Variants in EIF3M observed in about 807,000 individuals in gnomAD.
EIF3M encodes the protein eukaryotic translation initiation factor 3 subunit M, also known as B5 receptor.
Under a neutral mutation model 49.7 loss-of-function variants are expected in EIF3M, and 25 were observed. The ratio of observed to expected loss-of-function variants is 0.50; its 90% CI spans 0.37 to 0.70. EIF3M has a LOEUF of 0.70. Ranked by LOEUF, EIF3M falls within the 30% of genes least tolerant of loss-of-function variation. The pLI is 0.00. For synonymous variants in EIF3M, 156 were observed against 149.8 expected, an observed-to-expected ratio of 1.04 and a Z score of -0.30; for missense variants, 350 against 440.0, an observed-to-expected ratio of 0.80 and a Z score of 1.83.
rs1285637892 is a variant in EIF3M at position 32,605,045 on chromosome 11, G to C, written c.*2646G>C. ...TTTTTTGTATTTTTAGTAGAGACAG[G>C]GTTTCACTATGTTGTCCAGGCTGGT... On this transcript the variant is annotated 3_prime_UTR_variant, in exon 11 of 11. Transcript: ENST00000531120. 2 of 151,846 alleles carry C rather than the reference G, an allele frequency of 1.3e-5. No individual in the cohort carries two copies. The highest frequency in any genetic ancestry group is 2.4e-5 in the African/African-American group (1 of 41,302). 9.4% of individuals were successfully genotyped at this position (151,846 alleles called of 1,614,324 possible).
At chr11:32,601,492 A>T in intron 9 of EIF3M, 1 of 265,364 alleles carries the variant, frequency 3.8e-6, no homozygotes, top group Non-Finnish European at 6.7e-6. Flanking sequence ...AAGAACACCT[A>T]GCATTCTTTA....
At chr11:32,596,570 C>T (rs1460552571) in intron 8 of EIF3M, among the ~76,000 whole-genome samples, 1 of 145,664 alleles carries the variant, frequency 6.9e-6, no homozygotes, top group African/African-American at 2.6e-5. Flanking sequence ...CACTGCACTC[C>T]AGCCTCGGCA....
chr11:32,605,543 G>A lies in EIF3M; in HGVS notation c.*3144G>A, dbSNP rs551792634. On this transcript the variant is annotated 3_prime_UTR_variant, in exon 11 of 11. Transcript: ENST00000531120. ...CCATCAAAGTGCTGGGTTCATTTTGGTGTATTTGGCATCCAAGTACAAATT... is the reference window on the plus strand; with the variant it reads ...CCATCAAAGTGCTGGGTTCATTTTGATGTATTTGGCATCCAAGTACAAATT... The A allele has an allele frequency of 1.2e-4, 18 of 152,222 alleles. No individual in the cohort carries two copies. Among genetic ancestry groups the A allele is most frequent in the Admixed American group, 9.8e-4 (15 of 15,296 alleles). The allele number at this position is 152,222 out of a possible 1,614,324, so 9.4% of individuals were successfully genotyped here. A position where few individuals can be genotyped will look rare whatever the true frequency, so the allele number is the denominator to read the frequency against.
chr11:32,602,969 T>C lies in EIF3M; in HGVS notation c.*570T>C, dbSNP rs1414880342. The C allele has an allele frequency of 2.5e-6, 4 of 1,613,574 alleles. No individual in the cohort carries two copies. In the South Asian group the frequency reaches 4.4e-5, roughly 18 times the overall value. On this transcript the variant is annotated 3_prime_UTR_variant, in exon 11 of 11. Transcript: ENST00000531120. ...CCAGAAGTATTTTTAGTCGTCTTGA[T>C]TGCCTGCAAATGGCTTTGTAGTGGA...
At chr11:32,599,513 T>C (rs781087805) in intron 8 of EIF3M, among the ~76,000 whole-genome samples, 5 of 151,948 alleles carry the variant, frequency 3.3e-5, no homozygotes, top group Non-Finnish European at 7.4e-5. Context: ...TTAAAATTTA[T>C]TTATGGAGTG....
At chr11:32,588,456 A>G (rs1345924382) in intron 2 of EIF3M, 138 bp from the exon 3 acceptor site, 19 of 927,066 alleles carry the variant, frequency 2.0e-5, no homozygotes, top group Non-Finnish European at 2.3e-5. Flanking sequence ...TTAATAAAAT[A>G]TACAAGTTGC....
In EIF3M at chr11:32,588,061, T is replaced by C. The variant is rs571397392; in HGVS notation, c.176-533T>C. 1.7e-4 allele frequency among the ~76,000 whole-genome samples: 26 copies of C among 152,332 alleles called. No individual in the cohort carries two copies. The South Asian group carries it at 5.4e-3, about 32-fold the overall frequency. ...CATGACAGTGAAAATTGAAACTTTA[T>C]ATACATGTAAATCAGTCTCTGTTTT... On this transcript the variant is annotated intron_variant, in intron 2 of 10. Transcript: ENST00000531120.
intron 1 of EIF3M, among the ~76,000 whole-genome samples, chr11:32,585,746 G>A (rs1284927883): frequency 6.6e-6 from 1 of 151,940 alleles, no homozygotes; most frequent in Non-Finnish European, 1.5e-5. Flanking sequence ...CTGTGTTCTT[G>A]TTACCTGAAA....
intron 8 of EIF3M, 138 bp downstream of exon 8, chr11:32,596,185 G>C: frequency 1.7e-6 from 1 of 576,774 alleles, no homozygotes; most frequent in Non-Finnish European, 2.9e-6. Flanking sequence ...TGATAGAACA[G>C]CACAAAAATA....
At chr11:32,589,298 T>C (rs1855055920) in intron 4 of EIF3M, among the ~76,000 whole-genome samples, 163 bp downstream of exon 4, 2 of 152,156 alleles carry the variant, frequency 1.3e-5, no homozygotes, top group Non-Finnish European at 2.9e-5. Context: ...TTCCTCTGCC[T>C]CCTGAGCAGC....
In EIF3M at chr11:32,597,319, T is replaced by C. The variant is rs556904651; in HGVS notation, c.799+1272T>C. On this transcript the variant is annotated intron_variant, in intron 8 of 10. Coordinates refer to ENST00000531120, the MANE Select transcript of EIF3M (RefSeq NM_006360.6). Reference sequence around the variant, plus strand: ...CTTTTTTTAAGCCATAGCCACAGAATGGTAACAAATAGTTTTTTCCCCCCT... The same window carrying C: ...CTTTTTTTAAGCCATAGCCACAGAACGGTAACAAATAGTTTTTTCCCCCCT... Among the ~76,000 whole-genome samples, 5 of 147,348 alleles carry C rather than the reference T, an allele frequency of 3.4e-5. No individual in the cohort carries two copies. The South Asian group carries it at 1.1e-3, about 31-fold the overall frequency.
chr11:32,596,115 T>A lies in EIF3M; in HGVS notation c.799+68T>A. 3 of 1,227,548 alleles carry A rather than the reference T, an allele frequency of 2.4e-6. No individual in the cohort carries two copies. In the East Asian group the frequency reaches 8.1e-5, roughly 33 times the overall value. 76.0% of individuals were successfully genotyped at this position (1,227,548 alleles called of 1,614,324 possible). ...ATGATACACTAACAGTTATGTACTATGTGTTCCAGCAAGTATGGCTGTGGC... is the reference window on the plus strand; with the variant it reads ...ATGATACACTAACAGTTATGTACTAAGTGTTCCAGCAAGTATGGCTGTGGC... On this transcript the variant is annotated intron_variant, in intron 8 of 10. Coordinates refer to ENST00000531120, the MANE Select transcript of EIF3M (RefSeq NM_006360.6).
At chr11:32,593,004 T>TA (rs1411885039) in intron 5 of EIF3M, among the ~76,000 whole-genome samples, 1 of 152,276 alleles carries the variant, frequency 6.6e-6, no homozygotes, top group Non-Finnish European at 1.5e-5. Flanking sequence ...TAGCCATGCC[T>TA]ACAGTGGTAT....
At chr11:32,589,414 G>C in intron 4 of EIF3M, 133 bp from the exon 5 acceptor site, 2 of 921,550 alleles carry the variant, frequency 2.2e-6, no homozygotes, top group Non-Finnish European at 3.2e-6. Context: ...GACTTCAGTT[G>C]ATCCTCCTGC....
intron 5 of EIF3M, chr11:32,592,902 C>G (rs1855125099): frequency 4.1e-6 from 1 of 245,150 alleles, no homozygotes; most frequent in Non-Finnish European, 8.0e-6. Context: ...AATTCCTGGG[C>G]TCAAGCAAGC....
At position 32,588,590 on chromosome 11, in the gene EIF3M, G is replaced by C; in HGVS notation, c.176-4G>C. On this transcript the variant is annotated splice_region_variant and splice_polypyrimidine_tract_variant and intron_variant, in intron 2 of 10. Coordinates refer to ENST00000531120, the MANE Select transcript of EIF3M (RefSeq NM_006360.6). ...TGTTGATTGTGTTATCCATACTTGTGTAGATGTTGAAAGTGTGATGAACAG... is the reference window on the plus strand; with the variant it reads ...TGTTGATTGTGTTATCCATACTTGTCTAGATGTTGAAAGTGTGATGAACAG... 1 of 1,612,288 alleles carries C rather than the reference G, an allele frequency of 6.2e-7. No homozygotes were observed. The highest frequency in any genetic ancestry group is 8.5e-7 in the Non-Finnish European group (1 of 1,179,886).
Position 32,602,908 on chromosome 11 carries a change from A to C in EIF3M, c.*509A>C, listed in dbSNP as rs1272466970. On this transcript the variant is annotated 3_prime_UTR_variant, in exon 11 of 11. Transcript: ENST00000531120. Reference sequence around the variant, plus strand: ...ACTTAGTAAATTTTCACTTTTATTTAGTTGATTCGTAATGAGGCTCTGCCA... The same window carrying C: ...ACTTAGTAAATTTTCACTTTTATTTCGTTGATTCGTAATGAGGCTCTGCCA... 2 of 1,612,316 alleles carry C rather than the reference A, an allele frequency of 1.2e-6. No homozygotes were observed. Among genetic ancestry groups the C allele is most frequent in the African/African-American group, 2.7e-5 (2 of 74,908 alleles).
At chr11:32,589,381 G>A (rs1307791110) in intron 4 of EIF3M, among the ~76,000 whole-genome samples, 166 bp from the exon 5 acceptor site, 3 of 151,976 alleles carry the variant, frequency 2.0e-5, no homozygotes. Flanking sequence ...TCTCTATGTT[G>A]GTCAGGCTGG....
intron 5 of EIF3M, chr11:32,592,109 G>T: frequency 3.3e-6 from 1 of 301,196 alleles, no homozygotes. Context: ...AACTACTTCT[G>T]CTGCCACCAC....
Sources: allele counts gnomAD v4.1 joint callset (sites outside exome capture counted in the v4.1 genomes callset), GRCh38; gene constraint gnomAD v4.1.1; transcripts MANE v1.5; gene names NCBI Gene and HGNC (gene_info 2026-07-23, HGNC 2026-07-21).